The following RYR2 variants were observed in gnomAD, a reference collection of about 807,000 sequenced individuals.
The protein encoded by RYR2 is cardiac muscle ryanodine receptor-calcium release channel.
In RYR2, 227 loss-of-function variants were observed where a neutral mutation model predicts 601.1. The ratio of observed to expected loss-of-function variants is 0.38; its 90% CI spans 0.34 to 0.42. RYR2 has a LOEUF of 0.42. Ranked by LOEUF, RYR2 falls within the 10% of genes least tolerant of loss-of-function variation. The pLI, the probability that RYR2 is intolerant of heterozygous loss-of-function variation, is 1.00. For synonymous variants in RYR2, 2,223 were observed against 2,175.1 expected (o/e 1.02, Z -0.61); for missense variants, 4,646 against 6,156.5 (o/e 0.75, Z 8.21).
intron 27 of RYR2, among the ~76,000 whole-genome samples, 194 bp from the exon 28 acceptor site, chr1:237,566,373 C>T (rs1254591076): frequency 6.6e-6 from 1 of 152,198 alleles, no homozygotes; most frequent in Non-Finnish European, 1.5e-5. Context: ...CCCAGCTGGT[C>T]TGACAGTGGC....
chr1:237,756,011 G>A (rs1239477619), intron 80 of RYR2, among the ~76,000 whole-genome samples: 1 of 151,620 alleles, frequency 6.6e-6, no homozygotes, highest in Non-Finnish European at 1.5e-5. Context: ...TCAAAACTGT[G>A]ATACAGGCTT....
At position 237,664,797 on chromosome 1, in the gene RYR2, G is replaced by T. The variant is rs533658503; in HGVS notation, c.8437-1715G>T. On this transcript the variant is annotated intron_variant, in intron 56 of 104. Transcript: ENST00000366574. ...CCCCAAATCAATAGCTGTGTTAGGT[G>T]AGGTAAAGACCATAGGAGTGCTGGG... Among the ~76,000 whole-genome samples, 12 of 152,332 alleles carry T rather than the reference G, an allele frequency of 7.9e-5. No individual in the cohort carries two copies. In the East Asian group the frequency reaches 1.7e-3, roughly 22 times the overall value.
At chr1:237,248,115 T>C (rs1467976146) in intron 1 of RYR2, among the ~76,000 whole-genome samples, 1 of 151,762 alleles carries the variant, frequency 6.6e-6, no homozygotes, top group East Asian at 1.9e-4. Context: ...CTACTAAAAA[T>C]ACAAAAATGA....
intron 52 of RYR2, among the ~76,000 whole-genome samples, chr1:237,654,972 C>T (rs774792844): frequency 2.0e-5 from 3 of 152,030 alleles, no homozygotes; most frequent in Non-Finnish European, 4.4e-5. Flanking sequence ...GGCAGAACAA[C>T]AAGTTTTGTG....
In RYR2 at chr1:237,778,618, G is replaced by T. The variant is rs376420889; in HGVS notation, c.11776-48G>T. 1.4e-4 allele frequency: 138 copies of T among 1,001,336 alleles called. No homozygotes were observed. In the Middle Eastern group the frequency reaches 1.9e-3, roughly 14 times the overall value. 62.0% of individuals were successfully genotyped at this position (1,001,336 alleles called of 1,614,324 possible). On this transcript the variant is annotated intron_variant, in intron 87 of 104. Transcript: ENST00000366574. ...CCCTGTTATTGTACAGTTTGTTTTG[G>T]CAAATAAATTATGAGGAATAATTGC...
At chr1:237,801,187 A>ATGTT (rs2149416199) in intron 97 of RYR2, among the ~76,000 whole-genome samples, 1 of 150,340 alleles carries the variant, frequency 6.7e-6, no homozygotes, top group African/African-American at 2.4e-5. Context: ...AAGTGAGGAA[A>ATGTT]TGTTTGATGT....
chr1:237,263,625 G>T (rs567562627), intron 1 of RYR2, among the ~76,000 whole-genome samples: 2 of 152,322 alleles, frequency 1.3e-5, no homozygotes, highest in African/African-American at 4.8e-5. Flanking sequence ...CAAGATGTTT[G>T]TATGGGAGGA....
At chr1:237,775,090 AAAAAAC>A (rs1694558656) in intron 87 of RYR2, among the ~76,000 whole-genome samples, 1 of 151,962 alleles carries the variant, frequency 6.6e-6, no homozygotes, top group African/African-American at 2.4e-5. Flanking sequence ...AAAAAAAAAA[AAAAAAC>A]AGAAGTAACA....
intron 25 of RYR2, among the ~76,000 whole-genome samples, chr1:237,533,435 C>T (rs1007273277): frequency 3.3e-5 from 5 of 152,060 alleles, no homozygotes; most frequent in Admixed American, 6.5e-5. Context: ...CAGTTCGCAC[C>T]GACGAGCAGG....
chr1:237,762,047 A>C (rs1178011160), intron 84 of RYR2, among the ~76,000 whole-genome samples: 1 of 152,206 alleles, frequency 6.6e-6, no homozygotes, highest in Non-Finnish European at 1.5e-5. Flanking sequence ...GTTTATTATT[A>C]ATACCCATTC....
intron 84 of RYR2, among the ~76,000 whole-genome samples, chr1:237,763,346 A>G (rs1322787647): frequency 1.3e-5 from 2 of 152,150 alleles, no homozygotes; most frequent in African/African-American, 4.8e-5. Flanking sequence ...TGCACGGGAA[A>G]TCGGTGACAG....
At position 237,377,961 on chromosome 1, in the gene RYR2, G is replaced by A. The variant is rs574383400; in HGVS notation, c.576+526G>A. Among the ~76,000 whole-genome samples, 5 of 152,338 alleles carry A rather than the reference G, an allele frequency of 3.3e-5. No individual in the cohort carries two copies. In the East Asian group the frequency reaches 7.7e-4, roughly 23 times the overall value. Reference sequence around the variant, plus strand: ...TGGAAATGGGAGAATGAAGGAAGAAGTTTGTGTTTAATCATGAAATGCTGT... The same window carrying A: ...TGGAAATGGGAGAATGAAGGAAGAAATTTGTGTTTAATCATGAAATGCTGT... On this transcript the variant is annotated intron_variant, in intron 8 of 104. Coordinates refer to ENST00000366574, the MANE Select transcript of RYR2 (RefSeq NM_001035.3).
chr1:237,722,562 T>C (rs1689828902), intron 73 of RYR2, among the ~76,000 whole-genome samples: 1 of 151,462 alleles, frequency 6.6e-6, no homozygotes. Flanking sequence ...GCCTCCCGAG[T>C]AGCTGGGACT....
chr1:237,589,104 A>C (rs1674862203), intron 29 of RYR2, among the ~76,000 whole-genome samples: 1 of 152,232 alleles, frequency 6.6e-6, no homozygotes, highest in Admixed American at 6.5e-5. Flanking sequence ...GCATATAAAC[A>C]TAAGATTATA....
intron 2 of RYR2, among the ~76,000 whole-genome samples, chr1:237,286,799 T>G (rs987995072): frequency 6.6e-6 from 1 of 152,062 alleles, no homozygotes; most frequent in Admixed American, 6.6e-5. Context: ...CCATTTACAT[T>G]CAATGTTAGT....
At chr1:237,472,254 A>G (rs1410324802) in intron 17 of RYR2, among the ~76,000 whole-genome samples, 2 of 152,182 alleles carry the variant, frequency 1.3e-5, no homozygotes, top group Non-Finnish European at 2.9e-5. Flanking sequence ...CCTCTCTGTA[A>G]TAAGTCTGAC....
intron 3 of RYR2, among the ~76,000 whole-genome samples, chr1:237,348,098 T>A (rs1698452313): frequency 6.6e-6 from 1 of 152,114 alleles, no homozygotes; most frequent in African/African-American, 2.4e-5. Context: ...AAAAGAGAAA[T>A]AAGGCTTACA....
chr1:237,283,247 CT>C, intron 2 of RYR2, among the ~76,000 whole-genome samples: 1 of 152,224 alleles, frequency 6.6e-6, no homozygotes, highest in Non-Finnish European at 1.5e-5. Flanking sequence ...TGTTTTCTTT[CT>C]TGCTTGCCTG....
intron 62 of RYR2, among the ~76,000 whole-genome samples, chr1:237,681,408 G>A (rs1294949529): frequency 6.6e-6 from 1 of 152,120 alleles, no homozygotes; most frequent in Non-Finnish European, 1.5e-5. Flanking sequence ...TGAGAGGGTG[G>A]AGAAGTGGAA....
Sources: allele counts gnomAD v4.1 joint callset (sites outside exome capture counted in the v4.1 genomes callset), GRCh38; gene constraint gnomAD v4.1.1; transcripts MANE v1.5; gene names NCBI Gene and HGNC (gene_info 2026-07-23, HGNC 2026-07-21).